Variants in PCDHGB3 observed in about 807,000 individuals in gnomAD.
The protein encoded by PCDHGB3 is protocadherin gamma subfamily B, 3, also known as protocadherin gamma-B3.
In PCDHGB3, 40 loss-of-function variants were observed where a neutral mutation model predicts 59.2. The observed-to-expected ratio is 0.68, with a 90% CI of 0.52 to 0.88. The LOEUF (loss-of-function observed/expected upper bound fraction) is 0.88, where lower values mean the gene tolerates loss of function less well. Among genes scored for constraint, PCDHGB3 ranks in the 40% least tolerant of loss-of-function variants. The pLI is 0.00. For synonymous variants in PCDHGB3, 581 were observed against 503.6 expected, an observed-to-expected ratio of 1.15 and a Z score of -2.06; for missense variants, 1,309 against 1,187.9, an observed-to-expected ratio of 1.10 and a Z score of -1.50.
intron 1 of PCDHGB3, among the ~76,000 whole-genome samples, chr5:141,455,803 A>G (rs1197986124): frequency 6.6e-6 from 1 of 152,068 alleles, no homozygotes; most frequent in Non-Finnish European, 1.5e-5. Context: ...TGCTTTAAAA[A>G]ATGAAAACTT....
In PCDHGB3 at chr5:141,441,656, CT is replaced by C. The variant is rs200391207; in HGVS notation, c.2416-53149del. 8.0e-3 allele frequency: 1,976 copies of C among 247,682 alleles called. 54 individuals carry two copies. The highest frequency in any genetic ancestry group is 0.043 in the African/African-American group (1,846 of 42,486). The allele number at this position is 247,682 out of a possible 1,614,324, so 15.3% of individuals were successfully genotyped here. A position where few individuals can be genotyped will look rare whatever the true frequency, so the allele number is the denominator to read the frequency against. On this transcript the variant is annotated intron_variant, in intron 1 of 3. Coordinates refer to ENST00000576222, the MANE Select transcript of PCDHGB3 (RefSeq NM_018924.5). ...CACAGGCGCTGTGATTCTAGGTGTC[CT>C]TGAGCGCACAGTGCGCCTTCGACCA...
At chr5:141,455,860 ATTATTTAT>A (rs145569377) in intron 1 of PCDHGB3, among the ~76,000 whole-genome samples, 26,605 of 139,696 alleles carry the variant, frequency 0.19, 2,610 homozygotes, top group Middle Eastern at 0.23. Context: ...AATTTCTTTT[ATTATTTAT>A]TTATTTATTT....
At chr5:141,382,883 A>G in intron 1 of PCDHGB3, 5 of 1,528,792 alleles carry the variant, frequency 3.3e-6, no homozygotes, top group Non-Finnish European at 4.4e-6. Context: ...CGCCTAAGCA[A>G]GAGAAGCAGG....
At chr5:141,449,948 C>T (rs1294423807) in intron 1 of PCDHGB3, among the ~76,000 whole-genome samples, 1 of 151,034 alleles carries the variant, frequency 6.6e-6, no homozygotes, top group Non-Finnish European at 1.5e-5. Context: ...TTTTACTATA[C>T]CTCATAGTAA....
At chr5:141,407,124 T>C (rs1409043654) in intron 1 of PCDHGB3, among the ~76,000 whole-genome samples, 1 of 152,242 alleles carries the variant, frequency 6.6e-6, no homozygotes, top group Non-Finnish European at 1.5e-5. Flanking sequence ...TTTCAGTTGC[T>C]TTATTTTTAA....
At chr5:141,404,806 G>A (rs774487660) in intron 1 of PCDHGB3, 29 of 1,613,874 alleles carry the variant, frequency 1.8e-5, no homozygotes, top group South Asian at 1.3e-4. Context: ...GGCTCTTCTC[G>A]GTGGGGCTGC....
At chr5:141,393,334 C>A in intron 1 of PCDHGB3, 1 of 1,613,960 alleles carries the variant, frequency 6.2e-7, no homozygotes, top group Non-Finnish European at 8.5e-7. Flanking sequence ...CAGCTCAGCC[C>A]CAATCACCAC....
intron 1 of PCDHGB3, chr5:141,441,824 G>A (rs1561905347): frequency 5.6e-6 from 2 of 356,750 alleles, no homozygotes; most frequent in South Asian, 4.7e-5. Flanking sequence ...GCTCTGGAGC[G>A]CAATGGCTTC....
In PCDHGB3 at chr5:141,431,930, C is replaced by A. The variant is rs761060241; in HGVS notation, c.2415+59121C>A. 236 of 1,613,932 alleles carry A rather than the reference C, an allele frequency of 1.5e-4. 1 individual carries two copies. The highest frequency in any genetic ancestry group is 1.4e-3 in the South Asian group (124 of 91,086). The stretch of plus-strand genomic sequence containing the variant: ...GATCTGTTTCATCCAAGGAAATCTG[C>A]CCTTTAAATTAGAAAAATCTTACGG... On this transcript the variant is annotated intron_variant, in intron 1 of 3. Transcript: ENST00000576222. This position sits in a 1 kb window ranked among gnomAD's most constrained non-coding sequence, Gnocchi z 4.8.
chr5:141,374,518 C>T (rs766036470), intron 1 of PCDHGB3: 2 of 1,612,420 alleles, frequency 1.2e-6, no homozygotes, highest in South Asian at 1.1e-5. Flanking sequence ...TTCTCGAAAA[C>T]GCAGCTCCAT....
At chr5:141,405,450 T>G in intron 1 of PCDHGB3, 7 of 1,286,684 alleles carry the variant, frequency 5.4e-6, no homozygotes, top group South Asian at 1.4e-5. Flanking sequence ...GACAGAGTCT[T>G]ACTCTGTTAC....
chr5:141,375,925 A>G (rs369035619), intron 1 of PCDHGB3: 178 of 1,613,590 alleles, frequency 1.1e-4, no homozygotes, highest in Admixed American at 2.2e-4. Context: ...CCAGCGAGCC[A>G]GGACTTTTCT....
chr5:141,506,435 G>T (rs1470687416), intron 3 of PCDHGB3, among the ~76,000 whole-genome samples: 1 of 126,234 alleles, frequency 7.9e-6, no homozygotes, highest in Non-Finnish European at 1.6e-5. Context: ...CAACAGTCTC[G>T]CTCTGTCTCA....
intron 2 of PCDHGB3, among the ~76,000 whole-genome samples, chr5:141,502,725 G>A (rs1020846462): frequency 2.0e-5 from 3 of 152,150 alleles, no homozygotes; most frequent in Non-Finnish European, 4.4e-5. Context: ...ATTACAAAGC[G>A]GTGATGTTCT....
intron 1 of PCDHGB3, chr5:141,384,561 C>A (rs778010622): frequency 3.1e-6 from 5 of 1,614,254 alleles, no homozygotes; most frequent in South Asian, 1.1e-5. Context: ...TCGTGCTGGA[C>A]CAGAATGACA....
intron 3 of PCDHGB3, among the ~76,000 whole-genome samples, chr5:141,509,700 TGGA>T (rs1407159498): frequency 6.6e-6 from 1 of 152,192 alleles, no homozygotes; most frequent in East Asian, 1.9e-4. Flanking sequence ...GACGTTGGAC[TGGA>T]GGTGCTGTCT....
At chr5:141,391,398 A>G (rs924962931) in intron 1 of PCDHGB3, 11 of 151,014 alleles carry the variant, frequency 7.3e-5, no homozygotes, top group Middle Eastern at 3.4e-3. Flanking sequence ...CTCCAGCCTC[A>G]AACTCCTGGG....
intron 1 of PCDHGB3, among the ~76,000 whole-genome samples, chr5:141,406,035 T>C (rs989362338): frequency 4.6e-5 from 7 of 151,898 alleles, no homozygotes; most frequent in Non-Finnish European, 1.0e-4. Flanking sequence ...GGTTGCTTCA[T>C]TGGTTGCAGT....
chr5:141,398,753 G>A (rs141932976), intron 1 of PCDHGB3: 3 of 1,613,452 alleles, frequency 1.9e-6, no homozygotes, highest in East Asian at 2.2e-5. Flanking sequence ...AGTTACCATC[G>A]TTTAGTCCTG....
Sources: gnomAD v4.1 joint callset for allele counts (sites outside exome capture counted in the v4.1 genomes callset) on GRCh38, gnomAD v4.1.1 for gene constraint, Gnocchi (gnomAD v3.1) non-coding constraint, MANE v1.5 for transcripts, NCBI Gene and HGNC (gene_info 2026-07-23, HGNC 2026-07-21) for gene names.